The following NCAM2 variants were observed in gnomAD, a reference collection of about 807,000 sequenced individuals.
NCAM2 encodes N-CAM-2.
Under a neutral mutation model 98.1 loss-of-function variants are expected in NCAM2, and 30 were observed. That is an observed-to-expected ratio of 0.31 (90% CI 0.23 to 0.41). The LOEUF is 0.41. Ranked by LOEUF, NCAM2 falls within the 10% of genes least tolerant of loss-of-function variation. The pLI is 1.00. For synonymous variants in NCAM2, 368 were observed against 342.4 expected, an observed-to-expected ratio of 1.07 and a Z score of -0.83; for missense variants, 867 against 1,005.8, an observed-to-expected ratio of 0.86 and a Z score of 1.87.
chr21:21,264,042 C>A (rs139682659), intron 1 of NCAM2, among the ~76,000 whole-genome samples: 2 of 152,156 alleles, frequency 1.3e-5, no homozygotes, highest in East Asian at 3.9e-4. Context: ...AAACCATCAA[C>A]AAAACCCACA....
chr21:21,130,937 C>A (rs532243844), intron 1 of NCAM2, among the ~76,000 whole-genome samples: 1 of 152,046 alleles, frequency 6.6e-6, no homozygotes, highest in Non-Finnish European at 1.5e-5. Flanking sequence ...TCAGGTATAA[C>A]GTGATCAACG....
At chr21:21,478,943 A>C (rs926334342) in intron 15 of NCAM2, among the ~76,000 whole-genome samples, 9 of 152,150 alleles carry the variant, frequency 5.9e-5, no homozygotes, top group Non-Finnish European at 1.0e-4. Flanking sequence ...TTACCTCTCT[A>C]TGTTTGAAAC....
At chr21:21,493,709 T>A (rs1987008527) in intron 15 of NCAM2, among the ~76,000 whole-genome samples, 1 of 151,964 alleles carries the variant, frequency 6.6e-6, no homozygotes. Flanking sequence ...AAATCCTCTC[T>A]TCCTCCCTCC....
chr21:21,295,099 C>T (rs559760031), intron 5 of NCAM2, among the ~76,000 whole-genome samples: 5 of 151,624 alleles, frequency 3.3e-5, no homozygotes, highest in Non-Finnish European at 5.9e-5. Flanking sequence ...TCAAGTATAC[C>T]GAAGTCCTAC....
chr21:21,160,398 T>C (rs2146774266), intron 1 of NCAM2, among the ~76,000 whole-genome samples: 1 of 152,124 alleles, frequency 6.6e-6, no homozygotes, highest in Admixed American at 6.5e-5. Context: ...TTTTACCAAT[T>C]AGATTTCTAG....
chr21:21,152,558 G>A (rs957743993), intron 1 of NCAM2, among the ~76,000 whole-genome samples: 1 of 151,896 alleles, frequency 6.6e-6, no homozygotes, highest in African/African-American at 2.4e-5. Flanking sequence ...GGGTTAAGAT[G>A]ATCTGCTTAA....
At chr21:21,516,907 A>C (rs151313896) in intron 16 of NCAM2, among the ~76,000 whole-genome samples, 1 of 152,174 alleles carries the variant, frequency 6.6e-6, no homozygotes, top group East Asian at 1.9e-4. Flanking sequence ...TTTCCTCCTC[A>C]GTTCTCTTTC....
chr21:21,537,978 G>C lies in NCAM2; in HGVS notation c.*21G>C. 2 of 1,350,366 alleles carry C rather than the reference G, an allele frequency of 1.5e-6. No homozygotes were observed. The highest frequency in any genetic ancestry group is 2.0e-6 in the Non-Finnish European group (2 of 976,666). The allele number at this position is 1,350,366 out of a possible 1,614,324, so 83.6% of individuals were successfully genotyped here. A position where few individuals can be genotyped will look rare whatever the true frequency, so the allele number is the denominator to read the frequency against. The stretch of plus-strand genomic sequence containing the variant: ...CATAACAACAATATTACAGGGGCTT[G>C]AACAACACTACGAAGAGTATTTGGA... On this transcript the variant is annotated 3_prime_UTR_variant, in exon 18 of 18. Transcript: ENST00000400546.
At chr21:21,148,684 C>T (rs1601500488) in intron 1 of NCAM2, among the ~76,000 whole-genome samples, 1 of 152,044 alleles carries the variant, frequency 6.6e-6, no homozygotes, top group South Asian at 2.1e-4. Context: ...TTCATAAGTA[C>T]TTAAGTTGTC....
At chr21:21,136,303 A>G (rs1372056607) in intron 1 of NCAM2, among the ~76,000 whole-genome samples, 1 of 152,202 alleles carries the variant, frequency 6.6e-6, no homozygotes, top group Non-Finnish European at 1.5e-5. Flanking sequence ...GGTGAAGGGG[A>G]ATACGATTCA....
chr21:21,224,918 A>G (rs2070319599), intron 1 of NCAM2, among the ~76,000 whole-genome samples: 1 of 152,194 alleles, frequency 6.6e-6, no homozygotes, highest in Admixed American at 6.6e-5. Context: ...AATGGCATGT[A>G]TGAAATGTTG....
intron 5 of NCAM2, among the ~76,000 whole-genome samples, chr21:21,322,125 A>C (rs1376242260): frequency 1.3e-5 from 2 of 152,172 alleles, no homozygotes; most frequent in Admixed American, 6.6e-5. Flanking sequence ...ACTACACTGC[A>C]AAAAACAAAC....
intron 12 of NCAM2, among the ~76,000 whole-genome samples, chr21:21,444,684 C>A (rs1391396322): frequency 6.6e-6 from 1 of 151,946 alleles, no homozygotes; most frequent in East Asian, 1.9e-4. Flanking sequence ...GGTGACATTC[C>A]CTTTATCTTT....
chr21:21,429,769 A>G (rs1470408133), intron 11 of NCAM2, among the ~76,000 whole-genome samples: 2 of 152,216 alleles, frequency 1.3e-5, no homozygotes, highest in Non-Finnish European at 2.9e-5. Context: ...TCAGAATTCT[A>G]CACGTGTGTT....
intron 12 of NCAM2, among the ~76,000 whole-genome samples, chr21:21,450,365 A>G (rs1479024381): frequency 4.6e-5 from 7 of 151,774 alleles, no homozygotes; most frequent in African/African-American, 1.5e-4. Flanking sequence ...AAATTAGGAG[A>G]CAGGGTTTCG....
At chr21:21,296,769 A>T (rs577396915) in intron 5 of NCAM2, among the ~76,000 whole-genome samples, 1 of 151,896 alleles carries the variant, frequency 6.6e-6, no homozygotes, top group South Asian at 2.1e-4. Flanking sequence ...CAAAATCATC[A>T]TGTTATACCT....
chr21:21,006,023 A>C lies in NCAM2; in HGVS notation c.55+7405A>C, dbSNP rs116910340. On this transcript the variant is annotated intron_variant, in intron 1 of 17. Transcript: ENST00000400546. ...TTTTATAGATGACATTCCTGAGATT[A>C]AGAGTGCCTGATTTGCCCAGAGATT... Among the ~76,000 whole-genome samples the C allele has an allele frequency of 7.4e-3, 1,123 of 152,292 alleles. 10 individuals carry two copies. The highest frequency in any genetic ancestry group is 8.6e-3 in the Non-Finnish European group (585 of 68,016).
intron 1 of NCAM2, among the ~76,000 whole-genome samples, chr21:21,148,995 G>T (rs553272216): frequency 2.4e-4 from 37 of 152,146 alleles, no homozygotes; most frequent in Admixed American, 1.7e-3. Context: ...CAAATTTAAT[G>T]ATTATAGGAC....
At chr21:21,195,650 T>C (rs1052174114) in intron 1 of NCAM2, among the ~76,000 whole-genome samples, 1 of 152,226 alleles carries the variant, frequency 6.6e-6, no homozygotes, top group Non-Finnish European at 1.5e-5. Flanking sequence ...TTTTCTGTTT[T>C]GTAGAAAAGG....
Sources: gnomAD v4.1 joint callset for allele counts (sites outside exome capture counted in the v4.1 genomes callset) on GRCh38, gnomAD v4.1.1 for gene constraint, MANE v1.5 for transcripts, NCBI Gene and HGNC (gene_info 2026-07-23, HGNC 2026-07-21) for gene names.